The following KCNMB3 variants were observed in gnomAD, a reference collection of about 807,000 sequenced individuals.
KCNMB3 encodes potassium calcium-activated channel subfamily M regulatory beta subunit 3, also known as calcium-activated potassium channel subunit beta-3.
Under a neutral mutation model 11.9 loss-of-function variants are expected in KCNMB3, and 18 were observed. The observed-to-expected ratio is 1.51, with a 90% CI of 1.04 to 2.23. The LOEUF (loss-of-function observed/expected upper bound fraction) is 2.23. Ranked by LOEUF, KCNMB3 falls within the 30% of genes most tolerant of loss-of-function variation. The pLI is 0.00. For missense variants in KCNMB3, 247 were observed against 329.4 expected, an observed-to-expected ratio of 0.75 and a Z score of 1.94; for synonymous variants, 78 against 119.2, an observed-to-expected ratio of 0.65 and a Z score of 2.25.
At chr3:179,262,762 T>C (rs1011521513) in intron 1 of KCNMB3, among the ~76,000 whole-genome samples, 1 of 152,180 alleles carries the variant, frequency 6.6e-6, no homozygotes, top group African/African-American at 2.4e-5. Flanking sequence ...CCCACTAGAT[T>C]AGCTAGATAC....
At chr3:179,254,076 T>G (rs193018317), upstream of KCNMB3, among the ~76,000 whole-genome samples, 927 of 152,300 alleles carry the variant, frequency 6.1e-3, 8 homozygotes, top group African/African-American at 0.021. Context: ...TTGGTGAACT[T>G]GAGCTTTTGT....
At chr3:179,262,664 T>C (rs1487558957) in intron 1 of KCNMB3, among the ~76,000 whole-genome samples, 1 of 152,186 alleles carries the variant, frequency 6.6e-6, no homozygotes, top group African/African-American at 2.4e-5. Context: ...GATTGGTCCA[T>C]TTTACAGAGA....
At chr3:179,244,301 C>G (rs1424152599) in intron 2 of KCNMB3, among the ~76,000 whole-genome samples, 194 bp downstream of exon 2, 1 of 152,112 alleles carries the variant, frequency 6.6e-6, no homozygotes, top group South Asian at 2.1e-4. Flanking sequence ...GGAATAATTT[C>G]TCTCCTTTCT....
chr3:179,262,993 C>T (rs1426160149), intron 1 of KCNMB3, among the ~76,000 whole-genome samples: 1 of 152,254 alleles, frequency 6.6e-6, no homozygotes, highest in Non-Finnish European at 1.5e-5. Flanking sequence ...TGGCTTCACC[C>T]AGTGGATCCC....
At chr3:179,266,993 T>TCA, upstream of KCNMB3, 1 of 1,170,380 alleles carries the variant, frequency 8.5e-7, no homozygotes, top group Non-Finnish European at 1.1e-6. Context: ...CTTCTCTCTC[T>TCA]TTGCACTGTG....
At chr3:179,261,763 A>T (rs185939537) in intron 1 of KCNMB3, among the ~76,000 whole-genome samples, 236 of 152,300 alleles carry the variant, frequency 1.5e-3, no homozygotes, top group African/African-American at 5.1e-3. Context: ...CATGAGGGTA[A>T]ATAGCTAATA....
At chr3:179,261,581 A>G in intron 1 of KCNMB3, among the ~76,000 whole-genome samples, 1 of 120,498 alleles carries the variant, frequency 8.3e-6, no homozygotes, top group South Asian at 2.8e-4. Flanking sequence ...GCCCCGCCCC[A>G]CACTTGCAAT....
intron 1 of KCNMB3, among the ~76,000 whole-genome samples, chr3:179,250,189 C>T (rs1576958163): frequency 6.6e-6 from 1 of 152,044 alleles, no homozygotes; most frequent in Non-Finnish European, 1.5e-5. Flanking sequence ...CTTACTGTCT[C>T]AGGGGTGGCA....
In KCNMB3 at chr3:179,243,132, CT is replaced by C. The variant is rs780345860; in HGVS notation, c.599del (p.Lys200SerfsTer16). The C allele has an allele frequency of 1.3e-6, 2 of 1,538,388 alleles. No homozygotes were observed. The highest frequency in any genetic ancestry group is 4.5e-5 in the East Asian group (2 of 44,272). Reference protein sequence around the residue: ...SQSEDVILIKKYDQMAIFHCL... With the variant: ...SQSEDVILIKXYDQMAIFHCL... ...AGTGGAAGATAGCCATTTGGTCATA[CT>C]TTTTTATAAGAATGACATCTTCAGA... On this transcript the variant is annotated frameshift_variant, in exon 3 of 3. Coordinates refer to ENST00000392685, the MANE Select transcript of KCNMB3 (RefSeq NM_171830.2). LOFTEE classifies it low-confidence loss of function (END_TRUNC).
chr3:179,244,029 A>G (rs556676174), intron 2 of KCNMB3, among the ~76,000 whole-genome samples: 125 of 152,368 alleles, frequency 8.2e-4, no homozygotes, highest in African/African-American at 2.7e-3. Flanking sequence ...AGGTATAAAT[A>G]TAAATTTTAA....
At chr3:179,258,945 T>C in intron 1 of KCNMB3, 1 of 1,613,868 alleles carries the variant, frequency 6.2e-7, no homozygotes, top group African/African-American at 1.3e-5. Flanking sequence ...ACATTCTACT[T>C]ACATTGGCAG....
rs561171018 is a variant in KCNMB3 at position 179,250,538 on chromosome 3, A to C, written c.248+205T>G. ...TGAGATGGGAGGAGGCAGTGCAGGG[A>C]AATATCTTTGACCTTCTCGCCACCT... On this transcript the variant is annotated intron_variant, in intron 1 of 2. Coordinates refer to ENST00000392685, the MANE Select transcript of KCNMB3 (RefSeq NM_171830.2). 2.6e-5 allele frequency among the ~76,000 whole-genome samples: 4 copies of C among 152,302 alleles called. No individual in the cohort carries two copies. The South Asian group carries it at 8.3e-4, about 32-fold the overall frequency.
chr3:179,263,901 G>C (rs1726301982), intron 1 of KCNMB3, among the ~76,000 whole-genome samples: 1 of 142,050 alleles, frequency 7.0e-6, no homozygotes, highest in Admixed American at 7.3e-5. Context: ...TGCTTCCCGG[G>C]TTCAAGCAAT....
At chr3:179,245,562 C>A (rs1308500667) in intron 1 of KCNMB3, among the ~76,000 whole-genome samples, 1 of 151,784 alleles carries the variant, frequency 6.6e-6, no homozygotes, top group Non-Finnish European at 1.5e-5. Flanking sequence ...TGGAGTGGTG[C>A]AATCTCGGCT....
intron 1 of KCNMB3, chr3:179,260,338 C>T: frequency 6.2e-7 from 1 of 1,614,042 alleles, no homozygotes; most frequent in Non-Finnish European, 8.5e-7. Context: ...TGAACCTGTT[C>T]CTCATAGGTA....
intron 1 of KCNMB3, among the ~76,000 whole-genome samples, chr3:179,265,388 G>A (rs1344053287): frequency 6.6e-6 from 1 of 152,150 alleles, no homozygotes; most frequent in Non-Finnish European, 1.5e-5. Context: ...AACTCCACTA[G>A]AGCCAATAAT....
rs746928574 is a variant in KCNMB3 at position 179,250,860 on chromosome 3, C to A, written c.131G>T (p.Arg44Met). Residue 44 changes from arginine (R) to methionine (M), a missense_variant, in exon 1 of 3, where the codon AGG becomes ATG. Coordinates refer to ENST00000392685, the MANE Select transcript of KCNMB3 (RefSeq NM_171830.2). The part of the protein sequence containing the change: ...SDGDPLDVHK[R>M]LPSSAGEDRA... ...GTCCTCTCCAGCACTGGATGGCAGCCTCTTGTGCACATCTAGTGGGTCTCC... is the reference window on the plus strand; with the variant it reads ...GTCCTCTCCAGCACTGGATGGCAGCATCTTGTGCACATCTAGTGGGTCTCC... 1 of 1,614,068 alleles carries A rather than the reference C, an allele frequency of 6.2e-7. No individual in the cohort carries two copies. Among genetic ancestry groups the A allele is most frequent in the African/African-American group, 1.3e-5 (1 of 74,924 alleles).
upstream of KCNMB3, among the ~76,000 whole-genome samples, chr3:179,252,826 G>C (rs570837817): frequency 4.2e-4 from 63 of 151,492 alleles, no homozygotes; most frequent in Non-Finnish European, 7.5e-4. Flanking sequence ...CCGTCTCCCG[G>C]GTTCAAGCCA....
At chr3:179,266,850 AGCC>A in exon 1 of KCNMB3, 1 of 1,441,356 alleles carries the variant, frequency 6.9e-7, no homozygotes, top group East Asian at 2.5e-5. Flanking sequence ...AGCCATTAGA[AGCC>A]CCCCGCCTTC....
Sources: allele counts gnomAD v4.1 joint callset (sites outside exome capture counted in the v4.1 genomes callset), GRCh38; gene constraint gnomAD v4.1.1; transcripts MANE v1.5; gene names NCBI Gene and HGNC (gene_info 2026-07-23, HGNC 2026-07-21).